The following ADAMTSL1 variants were observed in gnomAD, a reference collection of about 807,000 sequenced individuals.
The protein encoded by ADAMTSL1 is ADAMTS-like protein 1.
Under a neutral mutation model 201.8 loss-of-function variants are expected in ADAMTSL1, and 126 were observed. That is an observed-to-expected ratio of 0.62 (90% confidence interval 0.54 to 0.72). ADAMTSL1 has a LOEUF of 0.72. Among genes scored for constraint, ADAMTSL1 ranks in the 30% least tolerant of loss-of-function variants. The pLI, the probability that ADAMTSL1 is intolerant of heterozygous loss-of-function variation, is 0.00. For synonymous variants in ADAMTSL1, 1,121 were observed against 903.4 expected (o/e 1.24, Z -4.32); for missense variants, 2,679 against 2,277.8 (o/e 1.18, Z -3.59).
At chr9:18,511,569 T>C (rs1255782610) in intron 2 of ADAMTSL1, among the ~76,000 whole-genome samples, 1 of 152,050 alleles carries the variant, frequency 6.6e-6, no homozygotes, top group East Asian at 1.9e-4. Flanking sequence ...GCCAGAATGG[T>C]GTCAACATAA....
intron 1 of ADAMTSL1, among the ~76,000 whole-genome samples, chr9:18,099,821 T>A (rs1055270092): frequency 1.7e-4 from 26 of 151,786 alleles, no homozygotes; most frequent in Admixed American, 1.3e-3. Context: ...AGAGACGGGG[T>A]TTCACTGTGT....
intron 2 of ADAMTSL1, among the ~76,000 whole-genome samples, chr9:18,432,132 A>AT (rs892658510): frequency 6.6e-6 from 1 of 151,676 alleles, no homozygotes; most frequent in South Asian, 2.1e-4. Flanking sequence ...GTTGAAAAGA[A>AT]TTTTTTTTTA....
chr9:18,253,894 C>G (rs1831566428), intron 2 of ADAMTSL1, among the ~76,000 whole-genome samples: 1 of 152,142 alleles, frequency 6.6e-6, no homozygotes, highest in Non-Finnish European at 1.5e-5. Context: ...TAATGGCATG[C>G]TTTTTGATGA....
intron 1 of ADAMTSL1, among the ~76,000 whole-genome samples, chr9:18,015,273 C>T (rs1820211243): frequency 6.6e-6 from 1 of 152,022 alleles, no homozygotes; most frequent in Non-Finnish European, 1.5e-5. Context: ...TGGGAGGGAT[C>T]TAACCGAAAG....
At chr9:18,670,747 A>C (rs374631708) in intron 9 of ADAMTSL1, among the ~76,000 whole-genome samples, 1 of 152,250 alleles carries the variant, frequency 6.6e-6, no homozygotes, top group Non-Finnish European at 1.5e-5. Flanking sequence ...TAAGAGATGC[A>C]GTAAAGAACC....
chr9:17,946,579 G>A (rs756504042), intron 1 of ADAMTSL1, among the ~76,000 whole-genome samples: 1 of 151,858 alleles, frequency 6.6e-6, no homozygotes, highest in South Asian at 2.1e-4. Flanking sequence ...TTTTCATTCT[G>A]TGGTTGAATG....
chr9:18,677,229 T>C lies in ADAMTSL1; in HGVS notation c.1136+1322T>C, dbSNP rs1830179412. On this transcript the variant is annotated intron_variant, in intron 10 of 28. Transcript: ENST00000380548. ...TGTTATTTTTAACTCTTTCACTACG[T>C]GGCTATGTCATTAGTCAGCTCACTC... Among the ~76,000 whole-genome samples the C allele has an allele frequency of 2.0e-5, 3 of 152,104 alleles. No individual in the cohort carries two copies. The South Asian group carries it at 6.2e-4, about 32-fold the overall frequency.
intron 2 of ADAMTSL1, among the ~76,000 whole-genome samples, chr9:18,250,816 T>C (rs192746954): frequency 6.6e-6 from 1 of 152,218 alleles, no homozygotes; most frequent in East Asian, 1.9e-4. Flanking sequence ...TCCTTGCAGA[T>C]GGTAAGAGAA....
intron 2 of ADAMTSL1, among the ~76,000 whole-genome samples, chr9:18,287,675 A>G (rs116371053): frequency 0.061 from 9,244 of 151,454 alleles, 964 homozygotes; most frequent in African/African-American, 0.21. Context: ...GTATGTGTAT[A>G]CATACATAAA....
At chr9:18,709,333 A>G (rs2133345462) in intron 14 of ADAMTSL1, among the ~76,000 whole-genome samples, 1 of 152,300 alleles carries the variant, frequency 6.6e-6, no homozygotes, top group South Asian at 2.1e-4. Flanking sequence ...CCAAAATGTC[A>G]CCCACAAGGT....
chr9:18,058,901 A>C (rs1257449171), intron 1 of ADAMTSL1, among the ~76,000 whole-genome samples: 1 of 152,196 alleles, frequency 6.6e-6, no homozygotes, highest in African/African-American at 2.4e-5. Context: ...CCAGTCCCAC[A>C]TGAGCTTCTA....
intron 2 of ADAMTSL1, among the ~76,000 whole-genome samples, chr9:18,192,680 T>TA (rs970541578): frequency 3.9e-5 from 6 of 152,140 alleles, no homozygotes; most frequent in Admixed American, 2.0e-4. Flanking sequence ...TATTCAGTAC[T>TA]ACACTTTTAC....
At chr9:18,325,215 T>C (rs1834783976) in intron 2 of ADAMTSL1, among the ~76,000 whole-genome samples, 1 of 152,226 alleles carries the variant, frequency 6.6e-6, no homozygotes, top group African/African-American at 2.4e-5. Context: ...ACCTACCCTA[T>C]GACCCAGTGA....
At chr9:18,233,678 G>T (rs1416682233) in intron 2 of ADAMTSL1, among the ~76,000 whole-genome samples, 1 of 152,296 alleles carries the variant, frequency 6.6e-6, no homozygotes, top group Non-Finnish European at 1.5e-5. Flanking sequence ...CACCTTATTG[G>T]AAAGAATGAT....
chr9:18,701,202 C>A (rs981156428), intron 13 of ADAMTSL1, among the ~76,000 whole-genome samples: 7 of 137,828 alleles, frequency 5.1e-5, no homozygotes, highest in African/African-American at 1.6e-4. Flanking sequence ...AATCAGTAAT[C>A]TTTTGGGTTC....
intron 2 of ADAMTSL1, among the ~76,000 whole-genome samples, chr9:18,185,982 T>A (rs1405871467): frequency 6.6e-6 from 1 of 152,224 alleles, no homozygotes; most frequent in Non-Finnish European, 1.5e-5. Flanking sequence ...GTATTTATGG[T>A]CAAAGAATTA....
At chr9:18,138,582 C>T (rs150785457) in intron 1 of ADAMTSL1, among the ~76,000 whole-genome samples, 1 of 152,172 alleles carries the variant, frequency 6.6e-6, no homozygotes, top group African/African-American at 2.4e-5. Flanking sequence ...TGTGATGTTC[C>T]TCCTGTGGAA....
intron 23 of ADAMTSL1, among the ~76,000 whole-genome samples, chr9:18,842,006 T>C (rs2131323060): frequency 6.6e-6 from 1 of 151,900 alleles, no homozygotes; most frequent in Admixed American, 6.5e-5. Context: ...ATTCATTAAT[T>C]TTTTGAAGGG....
chr9:17,948,924 C>A (rs1224810995), intron 1 of ADAMTSL1, among the ~76,000 whole-genome samples: 1 of 152,152 alleles, frequency 6.6e-6, no homozygotes, highest in Non-Finnish European at 1.5e-5. Context: ...TATTACCACT[C>A]CCTTTACATG....
Sources: gnomAD v4.1 joint callset for allele counts (sites outside exome capture counted in the v4.1 genomes callset) on GRCh38, gnomAD v4.1.1 for gene constraint, MANE v1.5 for transcripts, NCBI Gene and HGNC (gene_info 2026-07-23, HGNC 2026-07-21) for gene names.